Variants in KCND2 observed in about 807,000 individuals in gnomAD.
KCND2 encodes potassium voltage-gated channel subfamily D member 2.
KCND2 carries 16 observed loss-of-function variants against 54.4 expected under a neutral mutation model. The observed-to-expected ratio is 0.29, with a 90% CI of 0.20 to 0.45. The LOEUF is 0.45. Ranked by LOEUF, KCND2 falls within the 20% of genes least tolerant of loss-of-function variation. The pLI is 1.00. For missense variants in KCND2, 486 were observed against 824.2 expected (o/e 0.59, Z 5.02); for synonymous variants, 317 against 310.7 (o/e 1.02, Z -0.21).
intron 1 of KCND2, among the ~76,000 whole-genome samples, chr7:120,291,820 G>A (rs185404658): frequency 6.6e-6 from 1 of 152,000 alleles, no homozygotes; most frequent in Admixed American, 6.6e-5. Flanking sequence ...GTTTTCTTGA[G>A]TTGAAAAGAA....
At chr7:120,605,479 G>C (rs1237944609) in intron 1 of KCND2, among the ~76,000 whole-genome samples, 3 of 152,122 alleles carry the variant, frequency 2.0e-5, no homozygotes, top group African/African-American at 7.2e-5. Flanking sequence ...TCAGTGTATA[G>C]AAATTTGTTT....
At chr7:120,720,883 G>A (rs1792657690) in intron 1 of KCND2, among the ~76,000 whole-genome samples, 1 of 152,068 alleles carries the variant, frequency 6.6e-6, no homozygotes, top group South Asian at 2.1e-4. Context: ...GATCAATACT[G>A]TTTTAAAAGT....
intron 1 of KCND2, among the ~76,000 whole-genome samples, chr7:120,305,730 G>A (rs919918405): frequency 3.3e-5 from 5 of 152,052 alleles, no homozygotes; most frequent in Non-Finnish European, 7.4e-5. Flanking sequence ...ATCCAAATGT[G>A]TCTGTCCCAA....
rs140788431 is a variant in KCND2 at position 120,536,459 on chromosome 7, A to C, written c.1116-196444A>C. Among the ~76,000 whole-genome samples, 1,267 of 152,224 alleles carry C rather than the reference A, an allele frequency of 8.3e-3. 19 individuals are homozygous for C. The highest frequency in any genetic ancestry group is 0.028 in the African/African-American group (1,183 of 41,546). ...ACTTCTTTTCACTAATGATTTCCCT[A>C]ATAGCGTGTGATGTTGTTTGATAGT... On this transcript the variant is annotated intron_variant, in intron 1 of 5. Coordinates refer to ENST00000331113, the MANE Select transcript of KCND2 (RefSeq NM_012281.3).
chr7:120,459,344 G>A (rs1360163078), intron 1 of KCND2, among the ~76,000 whole-genome samples: 1 of 152,088 alleles, frequency 6.6e-6, no homozygotes, highest in Non-Finnish European at 1.5e-5. Context: ...TATCTGCATA[G>A]CATGTTCCCT....
chr7:120,622,884 T>C (rs976162613), intron 1 of KCND2, among the ~76,000 whole-genome samples: 2 of 152,158 alleles, frequency 1.3e-5, no homozygotes, highest in African/African-American at 4.8e-5. Context: ...CAATGAAATA[T>C]TTATTTAGTG....
chr7:120,613,084 AT>A (rs68066248), intron 1 of KCND2, among the ~76,000 whole-genome samples: 94,683 of 144,592 alleles, frequency 0.65, 31,785 homozygotes, highest in Middle Eastern at 0.79. Flanking sequence ...GTTTAGCCTA[AT>A]TTTTTTTTTT....
chr7:120,532,788 G>A (rs1791858148), intron 1 of KCND2, among the ~76,000 whole-genome samples: 1 of 151,878 alleles, frequency 6.6e-6, no homozygotes, highest in Non-Finnish European at 1.5e-5. Context: ...TGAGTTATAT[G>A]TAAAATAAAA....
At chr7:120,499,156 G>C (rs1427093300) in intron 1 of KCND2, among the ~76,000 whole-genome samples, 1 of 151,986 alleles carries the variant, frequency 6.6e-6, no homozygotes, top group Non-Finnish European at 1.5e-5. Flanking sequence ...AAATATTCAG[G>C]GGAAGCAAAG....
intron 1 of KCND2, among the ~76,000 whole-genome samples, chr7:120,511,626 G>T (rs1033420815): frequency 3.9e-5 from 6 of 152,080 alleles, no homozygotes; most frequent in Non-Finnish European, 7.4e-5. Context: ...ATTTTCTGCA[G>T]GGGAAAGAAT....
Position 120,275,506 on chromosome 7 carries a change from C to A in KCND2, c.874C>A (p.Leu292Ile). 6.2e-7 allele frequency: 1 copy of A among 1,612,630 alleles called. No homozygotes were observed. The change falls in exon 1 of 6, where the codon CTC becomes ATC. Residue 292 changes from leucine (L) to isoleucine (I), a missense_variant. Around this residue, in one of 7 missense-constraint regions of KCND2, gnomAD observed 12 missense variants for 67.0 expected, o/e 0.18. Coordinates refer to ENST00000331113, the MANE Select transcript of KCND2 (RefSeq NM_012281.3). ...NEDVSGAFVT[L>I]RVFRVFRIFK... ...GGACGTCAGCGGAGCCTTTGTCACA[C>A]TCCGAGTCTTCCGGGTCTTCAGGAT...
chr7:120,328,191 C>G (rs1328463521), intron 1 of KCND2, among the ~76,000 whole-genome samples: 18 of 152,052 alleles, frequency 1.2e-4, no homozygotes, highest in Non-Finnish European at 1.8e-4. Flanking sequence ...TTGCTTAGTT[C>G]CATACAGAGC....
Position 120,642,840 on chromosome 7 carries a change from A to G in KCND2, c.1116-90063A>G, listed in dbSNP as rs113858737. 6.2e-4 allele frequency among the ~76,000 whole-genome samples: 95 copies of G among 152,338 alleles called. No homozygotes were observed. The East Asian group carries it at 0.015, about 24-fold the overall frequency. On this transcript the variant is annotated intron_variant, in intron 1 of 5. Coordinates refer to ENST00000331113, the MANE Select transcript of KCND2 (RefSeq NM_012281.3). The stretch of plus-strand genomic sequence containing the variant: ...CTGAAACAGGTTAAGTGATTTGCCA[A>G]GATTTCATGACTAGAAAGCAAAACA...
intron 1 of KCND2, among the ~76,000 whole-genome samples, chr7:120,670,657 C>CTGT (rs1584877106): frequency 6.6e-6 from 1 of 152,174 alleles, no homozygotes; most frequent in East Asian, 1.9e-4. Context: ...TGGCTCATGT[C>CTGT]TGTAATCCCA....
chr7:120,408,838 G>A (rs1166105405), intron 1 of KCND2, among the ~76,000 whole-genome samples: 1 of 151,698 alleles, frequency 6.6e-6, no homozygotes, highest in Non-Finnish European at 1.5e-5. Context: ...GTACATATTT[G>A]AAGACCACTA....
chr7:120,619,067 A>G (rs2116497661), intron 1 of KCND2, among the ~76,000 whole-genome samples: 1 of 152,356 alleles, frequency 6.6e-6, no homozygotes, highest in Admixed American at 6.5e-5. Flanking sequence ...ATGTTTGGAA[A>G]TATTTGAGAC....
chr7:120,304,863 G>A (rs1425597943), intron 1 of KCND2, among the ~76,000 whole-genome samples: 1 of 152,138 alleles, frequency 6.6e-6, no homozygotes, highest in Non-Finnish European at 1.5e-5. Flanking sequence ...GCAGGCGATA[G>A]GAATACTTGT....
intron 1 of KCND2, among the ~76,000 whole-genome samples, chr7:120,345,112 A>G (rs1276314330): frequency 1.3e-5 from 2 of 152,160 alleles, no homozygotes; most frequent in African/African-American, 4.8e-5. Context: ...ACTTACTCTA[A>G]TCTGAAAACA....
intron 1 of KCND2, among the ~76,000 whole-genome samples, chr7:120,568,215 A>C (rs897759341): frequency 8.0e-4 from 121 of 152,130 alleles, no homozygotes; most frequent in African/African-American, 2.8e-3. Flanking sequence ...GTGGAGTTGC[A>C]TGAAGACTGC....
Sources: allele counts gnomAD v4.1 joint callset (sites outside exome capture counted in the v4.1 genomes callset), GRCh38; gene constraint gnomAD v4.1.1; regional missense constraint gnomAD v4.1.1; transcripts MANE v1.5; gene names NCBI Gene and HGNC (gene_info 2026-07-23, HGNC 2026-07-21).